The following LRRC4C variants were observed in gnomAD, a reference collection of about 807,000 sequenced individuals.
LRRC4C encodes the protein leucine rich repeat containing 4C, also known as leucine-rich repeat-containing protein 4C.
In LRRC4C, 5 loss-of-function variants were observed where a neutral mutation model predicts 33.6. The ratio of observed to expected loss-of-function variants is 0.15; its 90% CI spans 0.08 to 0.31. LRRC4C has a LOEUF of 0.31. Ranked by LOEUF, LRRC4C falls within the 10% of genes least tolerant of loss-of-function variation. The pLI is 1.00. For missense variants in LRRC4C, 560 were observed against 796.7 expected (o/e 0.70, Z 3.58); for synonymous variants, 329 against 302.0 (o/e 1.09, Z -0.93).
intron 2 of LRRC4C, among the ~76,000 whole-genome samples, chr11:40,876,262 T>TTTG (rs1954882020): frequency 6.8e-6 from 1 of 146,562 alleles, no homozygotes; most frequent in African/African-American, 2.5e-5. Flanking sequence ...CAGTTAGGGT[T>TTTG]TTTTTTTTTT....
intron 2 of LRRC4C, among the ~76,000 whole-genome samples, chr11:40,788,088 C>T (rs958685056): frequency 7.2e-5 from 11 of 152,262 alleles, no homozygotes; most frequent in African/African-American, 2.6e-4. Context: ...AGAGATATTA[C>T]ATAACATGCA....
Position 40,741,099 on chromosome 11 carries a change from AC to A in LRRC4C, c.-406-92822del, listed in dbSNP as rs555499992. Among the ~76,000 whole-genome samples the A allele has an allele frequency of 1.0e-3, 156 of 152,104 alleles. 1 individual carries two copies. The highest frequency in any genetic ancestry group is 7.5e-3 in the Admixed American group (114 of 15,252). ...AACATTTAAATGTTTTCTTCTGCAG[AC>A]CTTTCTGGCTGATAAAATAAGGTAA... On this transcript the variant is annotated intron_variant, in intron 2 of 6. Coordinates refer to ENST00000528697, the MANE Select transcript of LRRC4C (RefSeq NM_001258419.2).
chr11:40,414,036 AT>A (rs561712326), intron 3 of LRRC4C, among the ~76,000 whole-genome samples: 285 of 152,120 alleles, frequency 1.9e-3, no homozygotes, highest in African/African-American at 6.6e-3. Context: ...ATCTAAACAC[AT>A]TTTTTTGACT....
At chr11:40,124,028 A>G (rs1856020705) in intron 6 of LRRC4C, among the ~76,000 whole-genome samples, 1 of 152,136 alleles carries the variant, frequency 6.6e-6, no homozygotes, top group African/African-American at 2.4e-5. Context: ...AGAAAACTGT[A>G]TGTCTATATG....
chr11:40,518,887 A>T (rs1452039204), intron 3 of LRRC4C, among the ~76,000 whole-genome samples: 9 of 152,222 alleles, frequency 5.9e-5, no homozygotes, highest in African/African-American at 2.2e-4. Context: ...AATGTGGCAC[A>T]TATACACCAT....
intron 5 of LRRC4C, among the ~76,000 whole-genome samples, chr11:40,157,497 C>T (rs750666537): frequency 1.5e-4 from 23 of 152,190 alleles, no homozygotes; most frequent in African/African-American, 3.6e-4. Flanking sequence ...AGAAAATCTT[C>T]GCAATCTATA....
At chr11:40,784,951 G>T (rs1469499144) in intron 2 of LRRC4C, among the ~76,000 whole-genome samples, 1 of 152,036 alleles carries the variant, frequency 6.6e-6, no homozygotes, top group Non-Finnish European at 1.5e-5. Flanking sequence ...GACTGTTTGG[G>T]ACTTTTTCAA....
intron 3 of LRRC4C, among the ~76,000 whole-genome samples, chr11:40,347,755 T>A (rs1346833425): frequency 6.6e-6 from 1 of 152,096 alleles, no homozygotes; most frequent in African/African-American, 2.4e-5. Context: ...ATTACAGGCA[T>A]GCACCACCAC....
At chr11:40,963,356 T>C (rs535946759) in intron 1 of LRRC4C, among the ~76,000 whole-genome samples, 100 of 151,918 alleles carry the variant, frequency 6.6e-4, no homozygotes, top group African/African-American at 2.4e-3. Flanking sequence ...GCTACACATA[T>C]GAACTTAATT....
At chr11:40,989,529 A>C (rs1226629735) in intron 1 of LRRC4C, among the ~76,000 whole-genome samples, 1 of 152,148 alleles carries the variant, frequency 6.6e-6, no homozygotes, top group Non-Finnish European at 1.5e-5. Flanking sequence ...AAAAAATTAG[A>C]AAACAGTAAG....
At chr11:40,856,546 T>C (rs760816447) in intron 2 of LRRC4C, among the ~76,000 whole-genome samples, 6 of 152,238 alleles carry the variant, frequency 3.9e-5, no homozygotes, top group Non-Finnish European at 7.3e-5. Flanking sequence ...ATTTTATTTA[T>C]GGAGGAATAT....
intron 3 of LRRC4C, among the ~76,000 whole-genome samples, chr11:40,464,945 C>T (rs192541743): frequency 6.6e-6 from 1 of 150,956 alleles, no homozygotes; most frequent in East Asian, 1.9e-4. Context: ...TCATTTTTCA[C>T]AGAATTAGAA....
At chr11:41,334,676 A>C (rs1462508936) in intron 1 of LRRC4C, among the ~76,000 whole-genome samples, 1 of 152,026 alleles carries the variant, frequency 6.6e-6, no homozygotes, top group African/African-American at 2.4e-5. Context: ...GCAAATATTA[A>C]AATAAATAAT....
At chr11:41,112,553 G>A (rs1409787209) in intron 1 of LRRC4C, among the ~76,000 whole-genome samples, 2 of 152,046 alleles carry the variant, frequency 1.3e-5, no homozygotes, top group East Asian at 1.9e-4. Context: ...AATGGGCATA[G>A]AATAAGCCCT....
intron 1 of LRRC4C, among the ~76,000 whole-genome samples, chr11:41,350,884 A>C (rs1451525427): frequency 1.3e-5 from 2 of 152,204 alleles, no homozygotes; most frequent in East Asian, 3.9e-4. Flanking sequence ...TGAGCAAAGA[A>C]ACTCAGATCT....
chr11:40,964,276 T>C (rs1253797783), intron 1 of LRRC4C, among the ~76,000 whole-genome samples: 2 of 151,502 alleles, frequency 1.3e-5, no homozygotes, highest in African/African-American at 4.8e-5. Flanking sequence ...AAGCTGCAAG[T>C]GGCAGAAAAA....
At chr11:40,899,134 T>C (rs1019913220) in intron 2 of LRRC4C, among the ~76,000 whole-genome samples, 2 of 152,002 alleles carry the variant, frequency 1.3e-5, no homozygotes, top group Non-Finnish European at 2.9e-5. Context: ...AAAGAACTCA[T>C]TCAACTCATT....
chr11:40,954,175 A>G (rs537786783), intron 1 of LRRC4C, among the ~76,000 whole-genome samples: 1 of 152,008 alleles, frequency 6.6e-6, no homozygotes, highest in African/African-American at 2.4e-5. Context: ...TCTACTATGC[A>G]TCCGCTGGCA....
chr11:40,821,599 C>T (rs73472613), intron 2 of LRRC4C, among the ~76,000 whole-genome samples: 3,765 of 151,370 alleles, frequency 0.025, 89 homozygotes, highest in African/African-American at 0.061. Flanking sequence ...ATGGCCTTCA[C>T]CCAATTTTCC....
Sources: gnomAD v4.1 joint callset for allele counts (sites outside exome capture counted in the v4.1 genomes callset) on GRCh38, gnomAD v4.1.1 for gene constraint, MANE v1.5 for transcripts, NCBI Gene and HGNC (gene_info 2026-07-23, HGNC 2026-07-21) for gene names.